Variants in NCAM2 observed in about 807,000 individuals in gnomAD.
NCAM2 encodes N-CAM-2.
In NCAM2, 30 loss-of-function variants were observed where a neutral mutation model predicts 98.1. The ratio of observed to expected loss-of-function variants is 0.31; its 90% CI spans 0.23 to 0.41. NCAM2 has a LOEUF of 0.41. NCAM2 is among the 10% of genes least tolerant of loss of function. The pLI is 1.00. For synonymous variants in NCAM2, 368 were observed against 342.4 expected (o/e 1.07, Z -0.83); for missense variants, 867 against 1,005.8 (o/e 0.86, Z 1.87).
At chr21:21,345,350 T>G (rs1357581113) in intron 8 of NCAM2, among the ~76,000 whole-genome samples, 1 of 151,972 alleles carries the variant, frequency 6.6e-6, no homozygotes. Flanking sequence ...TCAAAATAGT[T>G]GTGTTGAGGA....
intron 12 of NCAM2, among the ~76,000 whole-genome samples, chr21:21,451,563 GCA>G (rs1019519002): frequency 2.6e-5 from 4 of 152,002 alleles, no homozygotes; most frequent in African/African-American, 9.7e-5. Context: ...TTCCTCTAAA[GCA>G]CAGTCTTAAT....
chr21:21,404,686 A>G (rs1449488658), intron 9 of NCAM2, among the ~76,000 whole-genome samples: 1 of 151,938 alleles, frequency 6.6e-6, no homozygotes, highest in Non-Finnish European at 1.5e-5. Flanking sequence ...AATATATGTC[A>G]GTATATCTAT....
chr21:21,398,832 G>A (rs1198066837), intron 9 of NCAM2, among the ~76,000 whole-genome samples: 2 of 152,116 alleles, frequency 1.3e-5, no homozygotes, highest in African/African-American at 4.8e-5. Context: ...TTTTAAAATT[G>A]ACACCCTATT....
chr21:21,130,147 T>C (rs141823349), intron 1 of NCAM2, among the ~76,000 whole-genome samples: 265 of 152,308 alleles, frequency 1.7e-3, no homozygotes, highest in African/African-American at 6.2e-3. Context: ...ATTATCTAAA[T>C]ATATTTTAAA....
intron 1 of NCAM2, among the ~76,000 whole-genome samples, chr21:21,248,728 G>C (rs1230618338): frequency 1.6e-5 from 2 of 127,256 alleles, no homozygotes; most frequent in African/African-American, 5.9e-5. Flanking sequence ...AGTGAGCTGA[G>C]ATTGTGCCAC....
At chr21:21,162,325 TAAG>T (rs72099132) in intron 1 of NCAM2, among the ~76,000 whole-genome samples, 8,387 of 152,062 alleles carry the variant, frequency 0.055, 743 homozygotes, top group African/African-American at 0.19. Flanking sequence ...ACCGGCAAGT[TAAG>T]AAAAATATTT....
At chr21:21,340,275 A>G (rs1159781934) in intron 8 of NCAM2, among the ~76,000 whole-genome samples, 3 of 151,920 alleles carry the variant, frequency 2.0e-5, no homozygotes, top group Non-Finnish European at 2.9e-5. Context: ...TTATCTTCTC[A>G]AAGATAGTTT....
chr21:21,082,093 T>C (rs2146409737), intron 1 of NCAM2, among the ~76,000 whole-genome samples: 1 of 151,576 alleles, frequency 6.6e-6, no homozygotes, highest in South Asian at 2.1e-4. Flanking sequence ...CCGGGCGTGG[T>C]GGCAGGCGCA....
intron 1 of NCAM2, among the ~76,000 whole-genome samples, chr21:21,060,308 A>G (rs1394976267): frequency 2.3e-4 from 35 of 152,150 alleles, no homozygotes; most frequent in African/African-American, 7.2e-5. Context: ...TAATTTTAGC[A>G]TTCAATAATA....
Position 21,479,793 on chromosome 21 carries a change from G to A in NCAM2, c.2077+2322G>A, listed in dbSNP as rs574009646. Among the ~76,000 whole-genome samples, 8 of 151,686 alleles carry A rather than the reference G, an allele frequency of 5.3e-5. No homozygotes were observed. The East Asian group carries it at 1.6e-3, about 30-fold the overall frequency. On this transcript the variant is annotated intron_variant, in intron 15 of 17. Coordinates refer to ENST00000400546, the MANE Select transcript of NCAM2 (RefSeq NM_004540.5). ...CTGAGAGCTTTGTAGGCAAGACCTG[G>A]AAAGAAAATGGATAGAATTCTGGTT...
intron 6 of NCAM2, 43 bp downstream of exon 6, chr21:21,324,543 A>G: frequency 7.7e-7 from 1 of 1,292,042 alleles, no homozygotes; most frequent in South Asian, 1.2e-5. Context: ...GTCCATTATC[A>G]GGCTTATGGA....
intron 1 of NCAM2, among the ~76,000 whole-genome samples, chr21:21,145,739 C>A (rs113563252): frequency 0.018 from 2,688 of 151,774 alleles, 35 homozygotes; most frequent in Non-Finnish European, 0.026. Context: ...TTTAGAATAC[C>A]CAGTATGCAT....
chr21:21,009,540 A>C (rs990146259), intron 1 of NCAM2, among the ~76,000 whole-genome samples: 1 of 151,948 alleles, frequency 6.6e-6, no homozygotes, highest in Admixed American at 6.6e-5. Flanking sequence ...GGGGTCTCAA[A>C]ACTGTTCAAT....
chr21:21,385,188 T>C (rs761083023), intron 9 of NCAM2, among the ~76,000 whole-genome samples: 1 of 152,086 alleles, frequency 6.6e-6, no homozygotes, highest in South Asian at 2.1e-4. Context: ...TTATTAGATA[T>C]TTTATTTCGC....
intron 1 of NCAM2, among the ~76,000 whole-genome samples, chr21:21,076,666 G>A (rs962989514): frequency 6.6e-6 from 1 of 152,060 alleles, no homozygotes; most frequent in East Asian, 1.9e-4. Flanking sequence ...TATAAGTCAC[G>A]AAGTTTAGTT....
intron 1 of NCAM2, among the ~76,000 whole-genome samples, chr21:21,083,320 T>C (rs1170627401): frequency 1.3e-5 from 2 of 152,180 alleles, no homozygotes; most frequent in Non-Finnish European, 1.5e-5. Flanking sequence ...ATTATTTCCA[T>C]GTAACAGGGG....
rs779088358 is a variant in NCAM2 at position 21,420,641 on chromosome 21, C to T, written c.1480+2072C>T. Among the ~76,000 whole-genome samples, 5 of 151,572 alleles carry T rather than the reference C, an allele frequency of 3.3e-5. No individual in the cohort carries two copies. In the East Asian group the frequency reaches 9.7e-4, roughly 29 times the overall value. On this transcript the variant is annotated intron_variant, in intron 11 of 17. Transcript: ENST00000400546. ...TATTCTAAATATTAATGTCATTGATCGTAAAGGCCAAGAAGGGAAATTTTT... is the reference window on the plus strand; with the variant it reads ...TATTCTAAATATTAATGTCATTGATTGTAAAGGCCAAGAAGGGAAATTTTT...
chr21:21,483,413 A>C (rs1007299827), intron 15 of NCAM2, among the ~76,000 whole-genome samples: 1 of 152,056 alleles, frequency 6.6e-6, no homozygotes, highest in African/African-American at 2.4e-5. Context: ...AAAATATTTC[A>C]GTTACTTTGT....
At chr21:21,045,627 G>A (rs1219616438) in intron 1 of NCAM2, among the ~76,000 whole-genome samples, 1 of 152,076 alleles carries the variant, frequency 6.6e-6, no homozygotes, top group Non-Finnish European at 1.5e-5. Flanking sequence ...TCCAGCCTGG[G>A]TGACAAAGCA....
Sources: allele counts gnomAD v4.1 joint callset (sites outside exome capture counted in the v4.1 genomes callset), GRCh38; gene constraint gnomAD v4.1.1; transcripts MANE v1.5; gene names NCBI Gene and HGNC (gene_info 2026-07-23, HGNC 2026-07-21).